Variants in SCN1A observed in about 807,000 individuals in gnomAD.
The protein encoded by SCN1A is sodium channel protein type 1 subunit alpha.
SCN1A carries 13 observed loss-of-function variants against 193.7 expected under a neutral mutation model. The ratio of observed to expected loss-of-function variants is 0.07; its 90% CI spans 0.04 to 0.11. The LOEUF (loss-of-function observed/expected upper bound fraction) is 0.11. Among genes scored for constraint, SCN1A ranks in the 10% least tolerant of loss-of-function variants. The pLI is 1.00. For missense variants in SCN1A, 1,432 were observed against 2,451.1 expected (o/e 0.58, Z 8.78); for synonymous variants, 781 against 843.6 (o/e 0.93, Z 1.29).
intron 1 of SCN1A, among the ~76,000 whole-genome samples, chr2:166,140,368 A>C (rs1431545238): frequency 1.3e-5 from 2 of 152,120 alleles, no homozygotes; most frequent in South Asian, 4.1e-4. Context: ...GGGGAGAGAC[A>C]TTTCTACAAG....
At chr2:166,045,598 T>C (rs1697740521) in intron 12 of SCN1A, among the ~76,000 whole-genome samples, 1 of 152,270 alleles carries the variant, frequency 6.6e-6, no homozygotes, top group East Asian at 1.9e-4. Flanking sequence ...ATCCAACATG[T>C]ATCAACAAGA....
chr2:166,011,986 T>G (rs1221168404), intron 22 of SCN1A, 123 bp downstream of exon 22: 25 of 819,278 alleles, frequency 3.1e-5, no homozygotes, highest in Non-Finnish European at 4.8e-5. Context: ...ATTGCATATA[T>G]GCGTTTAGTG....
intron 2 of SCN1A, among the ~76,000 whole-genome samples, chr2:166,112,572 T>C (rs596139): frequency 0.99 from 150,578 of 152,256 alleles, 74,490 homozygotes; most frequent in Middle Eastern, 1. Flanking sequence ...TGGTCTTAGT[T>C]CTTGCTGCCT....
At position 166,049,259 on chromosome 2, in the gene SCN1A, C is replaced by G. The variant is rs994398; in HGVS notation, c.965-310G>C. Among the ~76,000 whole-genome samples the G allele has an allele frequency of 0.13, 20,197 of 151,782 alleles. 1,696 individuals carry two copies. Among genetic ancestry groups the G allele is most frequent in the East Asian group, 0.33 (1,707 of 5,146 alleles). On this transcript the variant is annotated intron_variant, in intron 9 of 28. Coordinates refer to ENST00000674923, the MANE Select transcript of SCN1A (RefSeq NM_001165963.4). ...GTAAAGTTAGTGATAATGACAGGTA[C>G]TAACATAATCTTTCAAAAAGGTATT...
chr2:166,089,189 T>G (rs1237638540), intron 2 of SCN1A, among the ~76,000 whole-genome samples: 2 of 151,868 alleles, frequency 1.3e-5, no homozygotes, highest in East Asian at 3.9e-4. Flanking sequence ...TAGGCCCCAG[T>G]GTGTGATATT....
chr2:166,131,978 TC>T (rs1691677961), upstream of SCN1A, among the ~76,000 whole-genome samples: 1 of 152,134 alleles, frequency 6.6e-6, no homozygotes, highest in Non-Finnish European at 1.5e-5. Flanking sequence ...GTTTCTAAAT[TC>T]CCCTGTCATT....
At chr2:166,042,265 GA>G in intron 15 of SCN1A, 26 bp downstream of exon 15, 1 of 1,607,148 alleles carries the variant, frequency 6.2e-7, no homozygotes, top group Non-Finnish European at 8.5e-7. Flanking sequence ...GAAAATAATT[GA>G]AACGAAAATA....
At position 166,052,246 on chromosome 2, in the gene SCN1A, C is replaced by G. The variant is rs1035276954; in HGVS notation, c.695-258G>C. Among the ~76,000 whole-genome samples, 8 of 151,884 alleles carry G rather than the reference C, an allele frequency of 5.3e-5. No homozygotes were observed. In the East Asian group the frequency reaches 1.5e-3, roughly 29 times the overall value. On this transcript the variant is annotated intron_variant, in intron 8 of 28. Transcript: ENST00000674923. The stretch of plus-strand genomic sequence containing the variant: ...TGGAAGGTTCATGTTCTTCATGGAG[C>G]CTATATTAAGGAAAGGGCCTTGTCT...
chr2:166,148,093 C>T (rs374447452), intron 1 of SCN1A, among the ~76,000 whole-genome samples: 1 of 152,148 alleles, frequency 6.6e-6, no homozygotes, highest in East Asian at 1.9e-4. Flanking sequence ...TCATCCTGTC[C>T]AAGGTACTGA....
At chr2:166,054,984 T>TA (rs1430781131) in intron 6 of SCN1A, among the ~76,000 whole-genome samples, 1 of 151,990 alleles carries the variant, frequency 6.6e-6, no homozygotes, top group African/African-American at 2.4e-5. Context: ...GTGTGAGAAA[T>TA]ACAAGGTATA....
In SCN1A at chr2:165,986,020, A is replaced by G. The variant is rs1573924933; in HGVS notation, c.*5225T>C. On this transcript the variant is annotated 3_prime_UTR_variant, in exon 29 of 29. Coordinates refer to ENST00000674923, the MANE Select transcript of SCN1A (RefSeq NM_001165963.4). ...GTCCCAATGGTTACTAGACTTTTGG[A>G]TTTCATGCACCAGTAAAATACAAAT... The G allele has an allele frequency of 1.3e-5, 2 of 152,092 alleles. No homozygotes were observed. The highest frequency in any genetic ancestry group is 6.6e-5 in the Admixed American group (1 of 15,254). 9.4% of individuals were successfully genotyped at this position (152,092 alleles called of 1,614,324 possible). A position where few individuals can be genotyped will look rare whatever the true frequency, so the allele number is the denominator to read the frequency against.
chr2:166,026,639 C>G (rs2105726785), intron 19 of SCN1A, among the ~76,000 whole-genome samples: 1 of 148,816 alleles, frequency 6.7e-6, no homozygotes, highest in South Asian at 2.1e-4. Context: ...TTTGTTCTCA[C>G]TGTTTTAGAG....
intron 4 of SCN1A, among the ~76,000 whole-genome samples, chr2:166,061,313 G>GTT (rs1337643810): frequency 6.6e-6 from 1 of 152,086 alleles, no homozygotes; most frequent in African/African-American, 2.4e-5. Flanking sequence ...TCTGCCCTGA[G>GTT]TACTAAAAAG....
At chr2:166,055,029 G>C (rs1053559087) in intron 6 of SCN1A, among the ~76,000 whole-genome samples, 1 of 151,828 alleles carries the variant, frequency 6.6e-6, no homozygotes, top group African/African-American at 2.4e-5. Context: ...AAATGTCTTG[G>C]TATTTATGTA....
chr2:166,123,417 A>G (rs548993474), intron 2 of SCN1A: 1 of 152,218 alleles, frequency 6.6e-6, no homozygotes, highest in African/African-American at 2.4e-5. Context: ...ATATCATTCT[A>G]ACCAATGATC....
In SCN1A at chr2:165,989,677, T is replaced by C. The variant is rs571733229; in HGVS notation, c.*1568A>G. 6.5e-6 allele frequency: 1 copy of C among 152,752 alleles called. No homozygotes were observed. Among genetic ancestry groups the C allele is most frequent in the South Asian group, 2.1e-4 (1 of 4,830 alleles). The allele number at this position is 152,752 out of a possible 1,614,324, so 9.5% of individuals were successfully genotyped here. A position where few individuals can be genotyped will look rare whatever the true frequency, so the allele number is the denominator to read the frequency against. On this transcript the variant is annotated 3_prime_UTR_variant, in exon 29 of 29. Coordinates refer to ENST00000674923, the MANE Select transcript of SCN1A (RefSeq NM_001165963.4). ...ACAACTACCCAGTCTTGTTTTCATG[T>C]CTTATTTAGCAAATTTCTTTCATGA...
At chr2:165,997,965 T>C (rs1321536952) in intron 26 of SCN1A, 73 bp downstream of exon 26, 2 of 1,211,624 alleles carry the variant, frequency 1.7e-6, no homozygotes, top group African/African-American at 3.0e-5. Flanking sequence ...ATTCAAGTAC[T>C]CATTTGGCAG....
intron 13 of SCN1A, 26 bp from the exon 14 acceptor site, chr2:166,044,075 T>C (rs369572253): frequency 5.6e-6 from 9 of 1,612,962 alleles, no homozygotes; most frequent in Non-Finnish European, 5.9e-6. Flanking sequence ...AGCAAACAAA[T>C]AAAGTCATAT....
At chr2:166,103,267 A>G (rs1304082392) in intron 2 of SCN1A, among the ~76,000 whole-genome samples, 1 of 152,106 alleles carries the variant, frequency 6.6e-6, no homozygotes, top group Non-Finnish European at 1.5e-5. Flanking sequence ...TCTGGCCAAC[A>G]TGGCAAAACC....
Sources: gnomAD v4.1 joint callset for allele counts (sites outside exome capture counted in the v4.1 genomes callset) on GRCh38, gnomAD v4.1.1 for gene constraint, MANE v1.5 for transcripts, NCBI Gene and HGNC (gene_info 2026-07-23, HGNC 2026-07-21) for gene names.